The following RIT2 variants were observed in gnomAD, a reference collection of about 807,000 sequenced individuals.
RIT2 encodes Ras like without CAAX 2.
In RIT2, 24 loss-of-function variants were observed where a neutral mutation model predicts 23.7. The ratio of observed to expected loss-of-function variants is 1.01; its 90% CI spans 0.73 to 1.43. The LOEUF (loss-of-function observed/expected upper bound fraction) is 1.43, where lower values mean the gene tolerates loss of function less well. RIT2 is among the 40% of genes most tolerant of loss of function. The pLI is 0.00. For missense variants in RIT2, 236 were observed against 266.9 expected (o/e 0.88, Z 0.81); for synonymous variants, 107 against 91.1 (o/e 1.17, Z -0.99).
intron 1 of RIT2, among the ~76,000 whole-genome samples, chr18:43,095,277 C>T (rs1913525531): frequency 6.6e-6 from 1 of 152,048 alleles, no homozygotes; most frequent in Admixed American, 6.6e-5. Context: ...GATGTTATCT[C>T]ATTGTGGTTT....
intron 1 of RIT2, among the ~76,000 whole-genome samples, chr18:43,049,284 CA>C (rs1485681983): frequency 1.3e-5 from 2 of 152,162 alleles, no homozygotes; most frequent in Non-Finnish European, 2.9e-5. Context: ...CATTGAGCAA[CA>C]GTGTCAGTGG....
intron 4 of RIT2, among the ~76,000 whole-genome samples, chr18:42,899,327 ACTT>A (rs778720745): frequency 9.9e-5 from 15 of 150,942 alleles, no homozygotes; most frequent in Non-Finnish European, 2.2e-4. Flanking sequence ...GGAACAGGAC[ACTT>A]CAAAATGAGT....
intron 4 of RIT2, among the ~76,000 whole-genome samples, chr18:42,911,023 T>C (rs975330447): frequency 1.2e-4 from 18 of 151,930 alleles, no homozygotes; most frequent in Non-Finnish European, 2.6e-4. Context: ...TTCACCAAGA[T>C]AGACTATATC....
intron 4 of RIT2, among the ~76,000 whole-genome samples, chr18:42,852,558 GAGAC>G (rs1907081982): frequency 6.6e-6 from 1 of 152,138 alleles, no homozygotes; most frequent in Non-Finnish European, 1.5e-5. Context: ...ATGTTGTTGA[GAGAC>G]AGGGAGTAGA....
intron 3 of RIT2, among the ~76,000 whole-genome samples, chr18:42,933,180 A>T (rs1909369357): frequency 6.6e-6 from 1 of 152,160 alleles, no homozygotes; most frequent in Non-Finnish European, 1.5e-5. Flanking sequence ...ATGATAATGT[A>T]TGTATTCTGG....
chr18:42,912,541 C>T (rs1908797529), intron 4 of RIT2, among the ~76,000 whole-genome samples: 2 of 151,872 alleles, frequency 1.3e-5, no homozygotes, highest in Non-Finnish European at 2.9e-5. Context: ...ATACAATATA[C>T]TTTGAGGACT....
At chr18:43,052,009 C>A (rs989458296) in intron 1 of RIT2, among the ~76,000 whole-genome samples, 2 of 151,990 alleles carry the variant, frequency 1.3e-5, no homozygotes, top group Admixed American at 1.3e-4. Flanking sequence ...AGAGAATATA[C>A]CCAGGACTCT....
intron 3 of RIT2, among the ~76,000 whole-genome samples, chr18:42,933,524 T>A (rs1432163288): frequency 6.6e-6 from 1 of 152,160 alleles, no homozygotes; most frequent in Non-Finnish European, 1.5e-5. Context: ...GTTACCTCCA[T>A]GCTGTTCTCA....
chr18:43,111,779 T>C (rs749574223), intron 1 of RIT2, among the ~76,000 whole-genome samples: 2 of 152,064 alleles, frequency 1.3e-5, no homozygotes, highest in Non-Finnish European at 2.9e-5. Flanking sequence ...TGTGTAAAAA[T>C]TGGGGAGTGA....
intron 3 of RIT2, among the ~76,000 whole-genome samples, chr18:42,939,970 TG>T (rs1909554907): frequency 6.6e-6 from 1 of 151,986 alleles, no homozygotes; most frequent in African/African-American, 2.4e-5. Flanking sequence ...TCCTATTGCT[TG>T]TCCACCTGAA....
At position 42,835,018 on chromosome 18, in the gene RIT2, T is replaced by A. The variant is rs568792157; in HGVS notation, c.426+88554A>T. ...ACTGTCCTCACATTACCCTTTGACA[T>A]AAGGAGTCAAATGTTTCCACTTGAA... On this transcript the variant is annotated intron_variant, in intron 4 of 4. Coordinates refer to ENST00000326695, the MANE Select transcript of RIT2 (RefSeq NM_002930.4). Among the ~76,000 whole-genome samples, 9 of 152,212 alleles carry A rather than the reference T, an allele frequency of 5.9e-5. No homozygotes were observed. The South Asian group carries it at 1.9e-3, about 32-fold the overall frequency.
chr18:42,837,474 TAAAA>T (rs1555641179), intron 4 of RIT2, among the ~76,000 whole-genome samples: 20 of 149,406 alleles, frequency 1.3e-4, no homozygotes, highest in African/African-American at 4.9e-4. Context: ...GCCTCTTTTT[TAAAA>T]AAAAAAATGT....
At chr18:42,757,447 A>G (rs1171908434) in intron 4 of RIT2, among the ~76,000 whole-genome samples, 1 of 152,190 alleles carries the variant, frequency 6.6e-6, no homozygotes, top group East Asian at 1.9e-4. Flanking sequence ...CTTCAAGCTC[A>G]CAATCAACCT....
chr18:43,107,319 A>C (rs1445715481), intron 1 of RIT2, among the ~76,000 whole-genome samples: 1 of 152,086 alleles, frequency 6.6e-6, no homozygotes, highest in Admixed American at 6.5e-5. Context: ...TCATTGCCTC[A>C]CAAGTCTGTT....
intron 1 of RIT2, among the ~76,000 whole-genome samples, chr18:43,035,790 T>C (rs1911960360): frequency 1.3e-5 from 2 of 152,228 alleles, no homozygotes; most frequent in Non-Finnish European, 1.5e-5. Flanking sequence ...TTCTCGGCTA[T>C]ACACCCGCCT....
At chr18:43,015,456 G>C (rs1328273898) in intron 2 of RIT2, among the ~76,000 whole-genome samples, 4 of 151,668 alleles carry the variant, frequency 2.6e-5, no homozygotes, top group Non-Finnish European at 1.5e-5. Flanking sequence ...ATGTCAAGTA[G>C]GTAATTGGAT....
chr18:42,990,920 T>TG (rs917678377), intron 2 of RIT2, among the ~76,000 whole-genome samples: 29 of 150,566 alleles, frequency 1.9e-4, no homozygotes, highest in Non-Finnish European at 3.7e-4. Flanking sequence ...TTGTTTTTTT[T>TG]TTTTTTTTTT....
At chr18:42,921,522 G>T (rs1446003862) in intron 4 of RIT2, among the ~76,000 whole-genome samples, 4 of 152,102 alleles carry the variant, frequency 2.6e-5, no homozygotes. Flanking sequence ...TGATAAACAT[G>T]CCTTTGTGAG....
At chr18:42,915,475 T>C (rs74326333) in intron 4 of RIT2, among the ~76,000 whole-genome samples, 3,606 of 152,184 alleles carry the variant, frequency 0.024, 116 homozygotes, top group African/African-American at 0.075. Context: ...CAGCTTTGCT[T>C]TTTTCTTTTC....
Sources: gnomAD v4.1 joint callset for allele counts (sites outside exome capture counted in the v4.1 genomes callset) on GRCh38, gnomAD v4.1.1 for gene constraint, MANE v1.5 for transcripts, NCBI Gene and HGNC (gene_info 2026-07-23, HGNC 2026-07-21) for gene names.